Variants in COL5A1 observed in about 807,000 individuals in gnomAD.
The protein encoded by COL5A1 is collagen alpha-1(V) chain.
A neutral mutation model predicts 263.7 loss-of-function variants in COL5A1; 16 were observed. That is an observed-to-expected ratio of 0.06 (90% CI 0.04 to 0.09). COL5A1 has a LOEUF of 0.09. COL5A1 is among the 10% of genes least tolerant of loss of function. The probability of loss-of-function intolerance (pLI) is 1.00; values close to 1 mark genes in which losing one functional copy is unlikely to be tolerated. For synonymous variants in COL5A1, 1,012 were observed against 1,004.5 expected (o/e 1.01, Z -0.14); for missense variants, 2,036 against 2,540.5 (o/e 0.80, Z 4.27).
In COL5A1 at chr9:134,842,225, G is replaced by T. The variant is rs886063678; in HGVS notation, c.5439G>T (p.Val1813=). The T allele has an allele frequency of 3.7e-6, 6 of 1,614,086 alleles. No homozygotes were observed. Among genetic ancestry groups the T allele is most frequent in the Non-Finnish European group, 5.1e-6 (6 of 1,180,040 alleles). ...DTPKVEQVPI[V]DIMFNDFGEA... ...CCAAAGTGGAGCAGGTGCCCATCGT[G>T]GACATCATGTTCAATGACTTCGGTG... is the stretch of plus-strand genomic sequence containing the variant. The change falls in exon 66 of 66, where the codon GTG becomes GTT. Residue 1813 remains valine (V), a synonymous_variant. Transcript: ENST00000371817. This position sits in a 1 kb window ranked among gnomAD's most constrained non-coding sequence, Gnocchi z 5.8.
intron 32 of COL5A1, 54 bp from the exon 33 acceptor site, chr9:134,795,028 T>A (rs1393538621): frequency 8.8e-6 from 14 of 1,593,242 alleles, no homozygotes; most frequent in Non-Finnish European, 1.2e-5. Context: ...AGCTGCCACC[T>A]GAGCAGGGCC....
At chr9:134,750,011 G>T (rs1835715611) in intron 11 of COL5A1, among the ~76,000 whole-genome samples, 1 of 152,170 alleles carries the variant, frequency 6.6e-6, no homozygotes, top group Admixed American at 6.5e-5. Context: ...CTGAGTGTGT[G>T]CTCTGCTGTG....
intron 49 of COL5A1, 46 bp downstream of exon 49, chr9:134,814,082 G>A: frequency 6.5e-7 from 1 of 1,538,140 alleles, no homozygotes; most frequent in Non-Finnish European, 8.8e-7. Context: ...GGCCGAGCGG[G>A]TGTGTGGACG....
chr9:134,815,523 G>A, intron 50 of COL5A1, 53 bp from the exon 51 acceptor site: 2 of 1,577,410 alleles, frequency 1.3e-6, no homozygotes, highest in Non-Finnish European at 1.7e-6. Context: ...GCCGTGTGTG[G>A]TCTCAGTCAG....
intron 26 of COL5A1, among the ~76,000 whole-genome samples, chr9:134,774,278 A>AC (rs1836972197): frequency 1.3e-5 from 2 of 152,182 alleles, no homozygotes; most frequent in African/African-American, 4.8e-5. Context: ...TGGGAGCTCC[A>AC]GCCGCTGCCG....
chr9:134,731,456 C>T (rs531248269), intron 7 of COL5A1, 40 bp from the exon 8 acceptor site: 42 of 1,608,260 alleles, frequency 2.6e-5, no homozygotes, highest in Admixed American at 5.0e-5. Flanking sequence ...GTGCCTGGTG[C>T]GTTTGCGAGG....
intron 12 of COL5A1, 29 bp from the exon 13 acceptor site, chr9:134,750,761 C>T (rs371773167): frequency 3.8e-5 from 61 of 1,611,668 alleles, no homozygotes; most frequent in Non-Finnish European, 5.0e-5. Context: ...GTCACTGCTC[C>T]CAGAGTGACC....
rs912093274 is a variant in COL5A1, at chr9:134,782,226, C to T, written c.2431-441C>T. On this transcript the variant is annotated intron_variant, in intron 28 of 65. Transcript: ENST00000371817. ...AAAGCACTGCCTGTTACTGCAGTGCCGGCAAGAGCAGGCGTTAGGGATTCT... is the reference window on the plus strand; with the variant it reads ...AAAGCACTGCCTGTTACTGCAGTGCTGGCAAGAGCAGGCGTTAGGGATTCT... Among the ~76,000 whole-genome samples the T allele has an allele frequency of 9.2e-5, 14 of 152,308 alleles. No individual in the cohort carries two copies. In the East Asian group the frequency reaches 1.9e-3, roughly 21 times the overall value.
At chr9:134,837,404 G>A (rs1320840108) in intron 65 of COL5A1, among the ~76,000 whole-genome samples, 1 of 152,066 alleles carries the variant, frequency 6.6e-6, no homozygotes. Flanking sequence ...TTAAAGGGCA[G>A]GCCAGACCCC....
chr9:134,650,227 T>G (rs1831628780), intron 1 of COL5A1, among the ~76,000 whole-genome samples: 1 of 152,136 alleles, frequency 6.6e-6, no homozygotes, highest in African/African-American at 2.4e-5. Flanking sequence ...AGGAGTGACT[T>G]AAGTTGAAAA....
At position 134,818,896 on chromosome 9, in the gene COL5A1, C is replaced by T. The variant is rs868714229; in HGVS notation, c.4387C>T (p.Pro1463Ser). The change falls in exon 56 of 66, where the codon CCC becomes TCC. Residue 1463 changes from proline (P) to serine (S), a missense_variant. Physicochemically the swap from Pro to Ser is moderately conservative, Grantham distance 74. Coordinates refer to ENST00000371817, the MANE Select transcript of COL5A1 (RefSeq NM_000093.5). This position sits in a 1 kb window ranked among gnomAD's most constrained non-coding sequence, Gnocchi z 6.0. ...CCCAGGCCCGGACGGTCCCCCCGGC[C>T]CCATGGTGAGTCACATTCCTCATGG... The part of the protein sequence containing the change: ...GSPGPDGPPG[P>S]MGPPGLPGLK... 1 of 1,613,042 alleles carries T rather than the reference C, an allele frequency of 6.2e-7. No homozygotes were observed.
At chr9:134,732,544 C>T (rs1358224828) in intron 9 of COL5A1, 4 of 311,690 alleles carry the variant, frequency 1.3e-5, no homozygotes, top group African/African-American at 4.2e-5. Context: ...ATAGTTAACA[C>T]GTGGTCGTAC....
chr9:134,793,905 A>C (rs1837805752), intron 32 of COL5A1, among the ~76,000 whole-genome samples: 1 of 152,234 alleles, frequency 6.6e-6, no homozygotes, highest in South Asian at 2.1e-4. Flanking sequence ...GTTTTAATAA[A>C]TGCATTTCAA....
intron 65 of COL5A1, among the ~76,000 whole-genome samples, chr9:134,838,888 G>T (rs897448196): frequency 1.3e-5 from 2 of 152,248 alleles, no homozygotes; most frequent in Non-Finnish European, 2.9e-5. Context: ...TGGAGCTGGG[G>T]TGCGGGGCGG....
Position 134,795,305 on chromosome 9 carries a change from C to T in COL5A1, c.2789C>T (p.Pro930Leu). Residue 930 changes from proline to leucine, a missense_variant, in exon 34 of 66, where the codon CCT (proline) becomes CTT (leucine). Coordinates refer to ENST00000371817, the MANE Select transcript of COL5A1 (RefSeq NM_000093.5). ...ERGPRGITGK[P>L]GPKGNSGGDG... ...GGCCCCCGGGGCATCACTGGGAAGCCTGGCCCCAAGGTATGTTTTTGGCCT... is the reference window on the plus strand; with the variant it reads ...GGCCCCCGGGGCATCACTGGGAAGCTTGGCCCCAAGGTATGTTTTTGGCCT... The T allele has an allele frequency of 6.2e-7, 1 of 1,613,748 alleles. No homozygotes were observed. The highest frequency in any genetic ancestry group is 8.5e-7 in the Non-Finnish European group (1 of 1,179,962).
intron 58 of COL5A1, among the ~76,000 whole-genome samples, chr9:134,820,651 G>A (rs1342532349): frequency 3.3e-5 from 5 of 152,144 alleles, no homozygotes; most frequent in African/African-American, 1.2e-4. Flanking sequence ...GTCCCCAGCT[G>A]CCCCCAAACT....
At chr9:134,744,391 ACACT>A (rs1835400326) in intron 11 of COL5A1, among the ~76,000 whole-genome samples, 1 of 151,886 alleles carries the variant, frequency 6.6e-6, no homozygotes, top group Admixed American at 6.6e-5. Context: ...ATACATGCAC[ACACT>A]CAACCGTATA....
intron 14 of COL5A1, among the ~76,000 whole-genome samples, chr9:134,753,388 ACAGGGGC>A (rs1835858564): frequency 6.6e-6 from 1 of 152,030 alleles, no homozygotes; most frequent in East Asian, 1.9e-4. Context: ...GTTCAACACC[ACAGGGGC>A]CCTCCTGGCT....
In COL5A1 at chr9:134,681,617, G is replaced by A. The variant is rs1008261373; in HGVS notation, c.110-9295G>A. Among the ~76,000 whole-genome samples, 2 of 152,160 alleles carry A rather than the reference G, an allele frequency of 1.3e-5. No homozygotes were observed. The highest frequency in any genetic ancestry group is 4.8e-5 in the African/African-American group (2 of 41,440). On this transcript the variant is annotated intron_variant, in intron 1 of 65. Coordinates refer to ENST00000371817, the MANE Select transcript of COL5A1 (RefSeq NM_000093.5). The surrounding 1 kb of genome is among the most constrained non-coding windows in gnomAD (Gnocchi z 4.3). Reference sequence around the variant, plus strand: ...GGGACTGGGGTGGACTGGGCACTGAGGGTGACTCCCTTGCAGCCCCAGCAT... The same window carrying A: ...GGGACTGGGGTGGACTGGGCACTGAAGGTGACTCCCTTGCAGCCCCAGCAT...
Sources: gnomAD v4.1 joint callset for allele counts (sites outside exome capture counted in the v4.1 genomes callset) on GRCh38, gnomAD v4.1.1 for gene constraint, Gnocchi (gnomAD v3.1) non-coding constraint, MANE v1.5 for transcripts, NCBI Gene and HGNC (gene_info 2026-07-23, HGNC 2026-07-21) for gene names.